Variants in GPSM3 observed in about 807,000 individuals in gnomAD.
GPSM3 encodes the protein G protein signaling modulator 3, also known as G protein-signaling modulator 3.
In GPSM3, 16 loss-of-function variants were observed where a neutral mutation model predicts 20.4. The ratio of observed to expected loss-of-function variants is 0.78; its 90% confidence interval spans 0.53 to 1.19. The LOEUF (loss-of-function observed/expected upper bound fraction) is 1.19. Ranked by LOEUF, GPSM3 falls within the 50% of genes most tolerant of loss-of-function variation. GPSM3 has a pLI of 0.00. For synonymous variants in GPSM3, 70 were observed against 79.6 expected (o/e 0.88, Z 0.64); for missense variants, 177 against 204.6 (o/e 0.86, Z 0.82).
In GPSM3 at chr6:32,192,164, TGGA is replaced by T; in HGVS notation, c.126_128del (p.Pro43del). 6.6e-7 allele frequency: 1 copy of T among 1,506,648 alleles called. No individual in the cohort carries two copies. Among genetic ancestry groups the T allele is most frequent in the Non-Finnish European group, 8.9e-7 (1 of 1,127,534 alleles). 93.3% of individuals were successfully genotyped at this position (1,506,648 alleles called of 1,614,324 possible). ...TAGGGGTACCTGTGTGGCGGGTCCC[TGGA>T]GGAGGAGGGGATGGAGGAGCAGATC... On this transcript the variant is annotated inframe_deletion, in exon 2 of 4. Coordinates refer to ENST00000375040, the MANE Select transcript of GPSM3 (RefSeq NM_001276501.2). The surrounding 1 kb of genome is among the most constrained non-coding windows in gnomAD (Gnocchi z 5.1).
At position 32,191,375 on chromosome 6, in the gene GPSM3, G is replaced by A. The variant is rs1171115999; in HGVS notation, c.474C>T (p.His158=). 16 of 1,584,364 alleles carry A rather than the reference G, an allele frequency of 1.0e-5. No homozygotes were observed. Among genetic ancestry groups the A allele is most frequent in the Non-Finnish European group, 1.3e-5 (15 of 1,170,172 alleles). Residue 158 remains histidine (H), a synonymous_variant, in exon 4 of 4, where the codon CAC becomes CAT. Coordinates refer to ENST00000375040, the MANE Select transcript of GPSM3 (RefSeq NM_001276501.2). The surrounding 1 kb of genome is among the most constrained non-coding windows in gnomAD (Gnocchi z 5.9). ...MEEQRSRPPT[H]TC is the part of the protein sequence containing the mutation. ...GGTTGGGGCTCAAGTCTCAGCAGGT[G>A]TGTGTGGGGGGCCGGGACCTTTGCT... is the stretch of plus-strand genomic sequence containing the variant.
At position 32,192,315 on chromosome 6, in the gene GPSM3, G is replaced by T. The variant is rs769164104; in HGVS notation, c.43-65C>A. On this transcript the variant is annotated intron_variant, in intron 1 of 3. Coordinates refer to ENST00000375040, the MANE Select transcript of GPSM3 (RefSeq NM_001276501.2). The surrounding 1 kb of genome is among the most constrained non-coding windows in gnomAD (Gnocchi z 5.1). The stretch of plus-strand genomic sequence containing the variant: ...GTTGAAGCGGGAGGAGTGGACAGGG[G>T]GCTAGGCCAGTGGCCCGTTTCCTCT... The T allele has an allele frequency of 1.3e-5, 18 of 1,402,064 alleles. No individual in the cohort carries two copies. The highest frequency in any genetic ancestry group is 2.1e-5 in the Admixed American group (1 of 47,824). 86.9% of individuals were successfully genotyped at this position (1,402,064 alleles called of 1,614,324 possible).
chr6:32,191,345 G>A lies in GPSM3; in HGVS notation c.*21C>T, dbSNP rs1310762108. On this transcript the variant is annotated 3_prime_UTR_variant, in exon 4 of 4. Coordinates refer to ENST00000375040, the MANE Select transcript of GPSM3 (RefSeq NM_001276501.2). This position sits in a 1 kb window ranked among gnomAD's most constrained non-coding sequence, Gnocchi z 5.9. ...CAGCTTTGAGACCAGTGGCAAGGAA[G>A]GGCTGGTTGGGGCTCAAGTCTCAGC... 31 of 1,572,332 alleles carry A rather than the reference G, an allele frequency of 2.0e-5. No homozygotes were observed. The highest frequency in any genetic ancestry group is 1.7e-4 in the Middle Eastern group (1 of 5,938).
Position 32,191,697 on chromosome 6 carries a change from G to A in GPSM3, c.345+12C>T, listed in dbSNP as rs769726202. 1.3e-6 allele frequency: 2 copies of A among 1,590,318 alleles called. No individual in the cohort carries two copies. The highest frequency in any genetic ancestry group is 1.7e-6 in the Non-Finnish European group (2 of 1,164,922). ...AGGAGGCCTGGGTTTGCCTCCTGGG[G>A]GGATGTCTTACCTGGTGACTGAGGA... On this transcript the variant is annotated intron_variant, in intron 3 of 3. Transcript: ENST00000375040. The surrounding 1 kb of genome is among the most constrained non-coding windows in gnomAD (Gnocchi z 5.9).
Position 32,192,223 on chromosome 6 carries a change from G to A in GPSM3, c.70C>T (p.Pro24Ser). 6.6e-7 allele frequency: 1 copy of A among 1,516,850 alleles called. No individual in the cohort carries two copies. Among genetic ancestry groups the A allele is most frequent in the East Asian group, 2.3e-5 (1 of 43,580 alleles). 94.0% of individuals were successfully genotyped at this position (1,516,850 alleles called of 1,614,324 possible). ...QGPPQDEEGW[P>S]PPNSTTRPWR... Reference sequence around the variant, plus strand: ...GGCCGAGTGGTGGAGTTTGGAGGGGGCCAGCCTTCCTCATCCTGAGGGGGG... The same window carrying A: ...GGCCGAGTGGTGGAGTTTGGAGGGGACCAGCCTTCCTCATCCTGAGGGGGG... Residue 24 changes from proline (P) to serine (S), a missense_variant, in exon 2 of 4, where the codon CCC becomes TCC. Coordinates refer to ENST00000375040, the MANE Select transcript of GPSM3 (RefSeq NM_001276501.2). The surrounding 1 kb of genome is among the most constrained non-coding windows in gnomAD (Gnocchi z 5.1).
chr6:32,191,898 G>C lies in GPSM3; in HGVS notation c.156C>G (p.Pro52=). 5.6e-6 allele frequency: 9 copies of C among 1,611,206 alleles called. No individual in the cohort carries two copies. Among genetic ancestry groups the C allele is most frequent in the Non-Finnish European group, 7.6e-6 (9 of 1,179,652 alleles). Residue 52 remains proline, a synonymous_variant, in exon 3 of 4, where the codon CCC becomes CCG. Transcript: ENST00000375040. This position sits in a 1 kb window ranked among gnomAD's most constrained non-coding sequence, Gnocchi z 5.9. ...GCAGGGAGAGCAGGGAGGCCGAGCGGGGTCCCAGGGCTGGGGAGAGGGGTG... is the reference window on the plus strand; with the variant it reads ...GCAGGGAGAGCAGGGAGGCCGAGCGCGGTCCCAGGGCTGGGGAGAGGGGTG... ...PPGTRHTALG[P]RSASLLSLQT...
chr6:32,191,940 C>T lies in GPSM3; in HGVS notation c.146-32G>A, dbSNP rs962305576. 17 of 1,598,832 alleles carry T rather than the reference C, an allele frequency of 1.1e-5. No individual in the cohort carries two copies. The highest frequency in any genetic ancestry group is 1.7e-5 in the Admixed American group (1 of 59,676). On this transcript the variant is annotated intron_variant, in intron 2 of 3. Coordinates refer to ENST00000375040, the MANE Select transcript of GPSM3 (RefSeq NM_001276501.2). This position sits in a 1 kb window ranked among gnomAD's most constrained non-coding sequence, Gnocchi z 5.9. ...AGAGGGGTGTGGAGGGCTCAGAGACCCAGAGAGGTTGGCAGACAGGAGCCG... is the reference window on the plus strand; with the variant it reads ...AGAGGGGTGTGGAGGGCTCAGAGACTCAGAGAGGTTGGCAGACAGGAGCCG...
At position 32,192,029 on chromosome 6, in the gene GPSM3, G is replaced by T; in HGVS notation, c.145+119C>A. The T allele has an allele frequency of 8.0e-7, 1 of 1,246,808 alleles. No homozygotes were observed. The highest frequency in any genetic ancestry group is 1.1e-6 in the Non-Finnish European group (1 of 873,852). The allele number at this position is 1,246,808 out of a possible 1,614,324, so 77.2% of individuals were successfully genotyped here. A position where few individuals can be genotyped will look rare whatever the true frequency, so the allele number is the denominator to read the frequency against. ...GGATCAGAGGAGAGGGGGTGCAATG[G>T]GGAATCCCAAGGGGAGTCTGGAGGA... On this transcript the variant is annotated intron_variant, in intron 2 of 3. Coordinates refer to ENST00000375040, the MANE Select transcript of GPSM3 (RefSeq NM_001276501.2). The surrounding 1 kb of genome is among the most constrained non-coding windows in gnomAD (Gnocchi z 5.1).
chr6:32,192,645 A>C (rs1787620996), upstream of GPSM3: 2 of 533,952 alleles, frequency 3.7e-6, no homozygotes, highest in African/African-American at 3.9e-5. This position sits in a 1 kb window ranked among gnomAD's most constrained non-coding sequence, Gnocchi z 5.1. Context: ...CTGGGTACTG[A>C]GCAGGAAGCT....
At position 32,191,150 on chromosome 6, in the gene GPSM3, C is replaced by T. The variant is rs1290335500; in HGVS notation, c.*216G>A. The T allele has an allele frequency of 1.9e-5, 10 of 537,240 alleles. No homozygotes were observed. The highest frequency in any genetic ancestry group is 1.2e-4 in the Admixed American group (3 of 25,802). The allele number at this position is 537,240 out of a possible 1,614,324, so 33.3% of individuals were successfully genotyped here. A position where few individuals can be genotyped will look rare whatever the true frequency, so the allele number is the denominator to read the frequency against. On this transcript the variant is annotated 3_prime_UTR_variant, in exon 4 of 4. Coordinates refer to ENST00000375040, the MANE Select transcript of GPSM3 (RefSeq NM_001276501.2). The surrounding 1 kb of genome is among the most constrained non-coding windows in gnomAD (Gnocchi z 5.9). ...CCTCAAGCTCCCATGGACCTGTGGGCGGGGAGTTAAATCCCTGTTCCATCT... is the reference window on the plus strand; with the variant it reads ...CCTCAAGCTCCCATGGACCTGTGGGTGGGGAGTTAAATCCCTGTTCCATCT...
At position 32,191,721 on chromosome 6, in the gene GPSM3, G is replaced by A; in HGVS notation, c.333C>T (p.Ile111=). The change falls in exon 3 of 4, where the codon ATC becomes ATT. Residue 111 remains isoleucine, a synonymous_variant. Coordinates refer to ENST00000375040, the MANE Select transcript of GPSM3 (RefSeq NM_001276501.2). The surrounding 1 kb of genome is among the most constrained non-coding windows in gnomAD (Gnocchi z 5.9). Reference sequence around the variant, plus strand: ...GGGGATGTCTTACCTGGTGACTGAGGATAGTGCTGTAAAGCTGTTCTCTGT... The same window carrying A: ...GGGGATGTCTTACCTGGTGACTGAGAATAGTGCTGTAAAGCTGTTCTCTGT... ...LEDREQLYST[I]LSHQCQRMEA... 1 of 1,609,752 alleles carries A rather than the reference G, an allele frequency of 6.2e-7. No individual in the cohort carries two copies. The highest frequency in any genetic ancestry group is 8.5e-7 in the Non-Finnish European group (1 of 1,177,820).
At position 32,191,161 on chromosome 6, in the gene GPSM3, A is replaced by C. The variant is rs1355321860; in HGVS notation, c.*205T>G. The C allele has an allele frequency of 3.4e-6, 2 of 585,622 alleles. No homozygotes were observed. The highest frequency in any genetic ancestry group is 3.9e-5 in the African/African-American group (2 of 51,424). The allele number at this position is 585,622 out of a possible 1,614,324, so 36.3% of individuals were successfully genotyped here. The stretch of plus-strand genomic sequence containing the variant: ...CATGGACCTGTGGGCGGGGAGTTAA[A>C]TCCCTGTTCCATCTCGCCTGTTCCC... On this transcript the variant is annotated 3_prime_UTR_variant, in exon 4 of 4. Coordinates refer to ENST00000375040, the MANE Select transcript of GPSM3 (RefSeq NM_001276501.2). This position sits in a 1 kb window ranked among gnomAD's most constrained non-coding sequence, Gnocchi z 5.9.
At chr6:32,193,727 A>C (rs1787689149), upstream of GPSM3, among the ~76,000 whole-genome samples, 1 of 152,100 alleles carries the variant, frequency 6.6e-6, no homozygotes, top group African/African-American at 2.4e-5. The surrounding 1 kb of genome is among the most constrained non-coding windows in gnomAD (Gnocchi z 4.7). Context: ...GTGCCACTGC[A>C]CTCCAGGCTG....
At position 32,192,294 on chromosome 6, in the gene GPSM3, A is replaced by G. The variant is rs1787587621; in HGVS notation, c.43-44T>C. The G allele has an allele frequency of 6.8e-7, 1 of 1,466,254 alleles. No homozygotes were observed. Among genetic ancestry groups the G allele is most frequent in the South Asian group, 1.3e-5 (1 of 76,834 alleles). The allele number at this position is 1,466,254 out of a possible 1,614,324, so 90.8% of individuals were successfully genotyped here. A position where few individuals can be genotyped will look rare whatever the true frequency, so the allele number is the denominator to read the frequency against. ...CATTCTAGTCAAGCAGTGGTGGTTG[A>G]AGCGGGAGGAGTGGACAGGGGGCTA... On this transcript the variant is annotated intron_variant, in intron 1 of 3. Transcript: ENST00000375040. The surrounding 1 kb of genome is among the most constrained non-coding windows in gnomAD (Gnocchi z 5.1).
upstream of GPSM3, among the ~76,000 whole-genome samples, chr6:32,193,981 T>G (rs1049407610): frequency 4.6e-5 from 7 of 152,222 alleles, no homozygotes; most frequent in Admixed American, 6.5e-5. The surrounding 1 kb of genome is among the most constrained non-coding windows in gnomAD (Gnocchi z 4.7). Flanking sequence ...GCTTATTCCT[T>G]GCAATCTTGG....
Position 32,192,249 on chromosome 6 carries a change from C to T in GPSM3, c.44G>A (p.Gly15Asp), listed in dbSNP as rs1467295175. The T allele has an allele frequency of 4.6e-6, 7 of 1,519,892 alleles. No individual in the cohort carries two copies. Among genetic ancestry groups the T allele is most frequent in the Non-Finnish European group, 5.3e-6 (6 of 1,133,340 alleles). 94.2% of individuals were successfully genotyped at this position (1,519,892 alleles called of 1,614,324 possible). ...RPQEEEDGEQ[G>D]PPQDEEGWPP... ...CCAGCCTTCCTCATCCTGAGGGGGG[C>T]CCTGATGCCAAAATATGTCCATTCT... The change falls in exon 2 of 4, where the codon GGC becomes GAC. Residue 15 changes from glycine (G) to aspartate (D), a missense_variant and splice_region_variant. Coordinates refer to ENST00000375040, the MANE Select transcript of GPSM3 (RefSeq NM_001276501.2). The surrounding 1 kb of genome is among the most constrained non-coding windows in gnomAD (Gnocchi z 5.1).
Position 32,191,786 on chromosome 6 carries a change from G to C in GPSM3, c.268C>G (p.Pro90Ala). The C allele has an allele frequency of 6.2e-7, 1 of 1,612,478 alleles. No individual in the cohort carries two copies. The highest frequency in any genetic ancestry group is 1.1e-5 in the South Asian group (1 of 91,062). ...AGTGGGGCAGGGGCTAGGCTTGAGGGGTTTTGGGGGGTGTAGAAGGTGGCC... is the reference window on the plus strand; with the variant it reads ...AGTGGGGCAGGGGCTAGGCTTGAGGCGTTTTGGGGGGTGTAGAAGGTGGCC... ...QRATFYTPQNPSSLAPAPLRP... is the reference protein window; with the variant it reads ...QRATFYTPQNASSLAPAPLRP... Residue 90 changes from proline (P) to alanine (A), a missense_variant, in exon 3 of 4, where the codon CCC (proline) becomes GCC (alanine). Coordinates refer to ENST00000375040, the MANE Select transcript of GPSM3 (RefSeq NM_001276501.2). This position sits in a 1 kb window ranked among gnomAD's most constrained non-coding sequence, Gnocchi z 5.9.
Position 32,191,669 on chromosome 6 carries a change from A to G in GPSM3, c.345+40T>C. 6.5e-7 allele frequency: 1 copy of G among 1,530,298 alleles called. No homozygotes were observed. Among genetic ancestry groups the G allele is most frequent in the African/African-American group, 1.4e-5 (1 of 72,872 alleles). The allele number at this position is 1,530,298 out of a possible 1,614,324, so 94.8% of individuals were successfully genotyped here. Reference sequence around the variant, plus strand: ...CCCCAAAGAGAACAGGGGCCAAGAGACCAGGAGGCCTGGGTTTGCCTCCTG... The same window carrying G: ...CCCCAAAGAGAACAGGGGCCAAGAGGCCAGGAGGCCTGGGTTTGCCTCCTG... On this transcript the variant is annotated intron_variant, in intron 3 of 3. Transcript: ENST00000375040. This position sits in a 1 kb window ranked among gnomAD's most constrained non-coding sequence, Gnocchi z 5.9.
chr6:32,192,731 T>C, upstream of GPSM3: 1 of 453,096 alleles, frequency 2.2e-6, no homozygotes, highest in Non-Finnish European at 4.0e-6. This position sits in a 1 kb window ranked among gnomAD's most constrained non-coding sequence, Gnocchi z 5.1. Flanking sequence ...CCCAAACAGC[T>C]TGTTCAGTCT....
Sources: gnomAD v4.1 joint callset for allele counts (sites outside exome capture counted in the v4.1 genomes callset) on GRCh38, gnomAD v4.1.1 for gene constraint, Gnocchi (gnomAD v3.1) non-coding constraint, MANE v1.5 for transcripts, NCBI Gene and HGNC (gene_info 2026-07-23, HGNC 2026-07-21) for gene names.